ANKRD31: variants seen among roughly 807,000 people sequenced by gnomAD.
The protein encoded by ANKRD31 is ankyrin repeat domain 31.
Under a neutral mutation model 186.0 loss-of-function variants are expected in ANKRD31, and 147 were observed. The observed-to-expected ratio is 0.79, with a 90% confidence interval of 0.69 to 0.91. The LOEUF (loss-of-function observed/expected upper bound fraction) is 0.91. Among genes scored for constraint, ANKRD31 ranks in the 40% least tolerant of loss-of-function variants. The probability of loss-of-function intolerance (pLI) is 0.00; values close to 1 mark genes in which losing one functional copy is unlikely to be tolerated. For missense variants in ANKRD31, 1,986 were observed against 2,148.8 expected (o/e 0.92, Z 1.50); for synonymous variants, 673 against 736.4 (o/e 0.91, Z 1.39).
chr5:75,169,076 G>T lies in ANKRD31; in HGVS notation c.1610C>A (p.Thr537Lys). 5 of 1,536,938 alleles carry T rather than the reference G, an allele frequency of 3.3e-6. No individual in the cohort carries two copies. Among genetic ancestry groups the T allele is most frequent in the African/African-American group, 1.4e-5 (1 of 73,104 alleles). ...TCCACCTTTTAATAGTTCACTTGCT[G>T]TCCGATAAAATCCTCCTACACTAGC... ...HEASVGGFYR[T>K]ASELLKGGAD... The change falls in exon 11 of 26, where the codon ACA becomes AAA. Residue 537 changes from threonine (T) to lysine (K), a missense_variant. Thr to Lys is a moderately conservative substitution (Grantham distance 78). Coordinates refer to ENST00000506364, the MANE Select transcript of ANKRD31 (RefSeq NM_001372053.1).
chr5:75,152,053 C>G (rs1317133281), intron 12 of ANKRD31, among the ~76,000 whole-genome samples: 3 of 151,936 alleles, frequency 2.0e-5, no homozygotes, highest in Admixed American at 2.0e-4. Context: ...TGTTGTTTTG[C>G]CTGCCCAGCA....
chr5:75,153,904 A>G, intron 12 of ANKRD31, among the ~76,000 whole-genome samples: 1 of 152,146 alleles, frequency 6.6e-6, no homozygotes, highest in Non-Finnish European at 1.5e-5. Flanking sequence ...AAAGGGGATC[A>G]TATCATGTTA....
At chr5:75,218,333 C>G (rs886961666) in intron 3 of ANKRD31, among the ~76,000 whole-genome samples, 4 of 152,004 alleles carry the variant, frequency 2.6e-5, no homozygotes, top group African/African-American at 9.7e-5. Context: ...GCACATAAAT[C>G]TAAAATTCCA....
chr5:75,148,287 T>C (rs57923199), intron 13 of ANKRD31, among the ~76,000 whole-genome samples: 7,436 of 151,892 alleles, frequency 0.049, 397 homozygotes, highest in African/African-American at 0.13. Flanking sequence ...CTTTGACTCT[T>C]TCCTGTACTA....
intron 24 of ANKRD31, among the ~76,000 whole-genome samples, chr5:75,081,752 CG>C (rs149283497): frequency 0.026 from 3,903 of 150,000 alleles, 154 homozygotes; most frequent in African/African-American, 0.091. Context: ...GATGGAGCAA[CG>C]GGGGCGGAGA....
intron 10 of ANKRD31, among the ~76,000 whole-genome samples, chr5:75,172,971 T>C (rs1292570875): frequency 6.6e-6 from 1 of 152,076 alleles, no homozygotes; most frequent in Non-Finnish European, 1.5e-5. Context: ...TGATGAACAT[T>C]GATGCAAAAA....
At chr5:75,158,266 C>T (rs1580451517) in intron 11 of ANKRD31, among the ~76,000 whole-genome samples, 1 of 152,236 alleles carries the variant, frequency 6.6e-6, no homozygotes, top group Admixed American at 6.5e-5. Context: ...CAACCTCTAA[C>T]CAATCAGTAA....
At chr5:75,077,857 G>A (rs191606943) in intron 25 of ANKRD31, among the ~76,000 whole-genome samples, 157 of 151,188 alleles carry the variant, frequency 1.0e-3, no homozygotes, top group African/African-American at 3.6e-3. Flanking sequence ...CCCGGGAGGC[G>A]GGAGGCGGAG....
chr5:75,079,794 T>C (rs1432604482), intron 25 of ANKRD31, among the ~76,000 whole-genome samples: 4 of 152,090 alleles, frequency 2.6e-5, no homozygotes, highest in Admixed American at 2.6e-4. Flanking sequence ...CCCTCTTATA[T>C]CCCACAATTA....
At chr5:75,222,459 C>T (rs919139986) in intron 2 of ANKRD31, 101 bp from the exon 3 acceptor site, 1 of 785,706 alleles carries the variant, frequency 1.3e-6, no homozygotes, top group Non-Finnish European at 2.0e-6. Context: ...TATCAAGAAT[C>T]ATCTAGTATA....
intron 25 of ANKRD31, 23 bp downstream of exon 25, chr5:75,080,545 T>C: frequency 6.8e-7 from 1 of 1,464,050 alleles, no homozygotes; most frequent in Non-Finnish European, 9.2e-7. Context: ...TAAATGGAAT[T>C]GAATATTTTC....
At chr5:75,155,394 T>G (rs1481918998) in intron 11 of ANKRD31, among the ~76,000 whole-genome samples, 1 of 152,176 alleles carries the variant, frequency 6.6e-6, no homozygotes, top group Admixed American at 6.5e-5. Flanking sequence ...AACTGTTCCA[T>G]ATCAGTGTAG....
rs541630345 is a variant in ANKRD31, at chr5:75,178,766, C to T, written c.1565-9645G>A. ...AGAGGGAAATTTATAGCACTAAATG[C>T]CCACAAGAGAAAGCAGGAAACATCT... On this transcript the variant is annotated intron_variant, in intron 10 of 25. Transcript: ENST00000506364. 3.2e-3 allele frequency among the ~76,000 whole-genome samples: 494 copies of T among 152,076 alleles called. 1 individual carries two copies. The highest frequency in any genetic ancestry group is 4.9e-3 in the Non-Finnish European group (336 of 67,982).
At position 75,193,372 on chromosome 5, in the gene ANKRD31, A is replaced by C; in HGVS notation, c.1237T>G (p.Leu413Val). The C allele has an allele frequency of 2.0e-6, 3 of 1,536,952 alleles. No individual in the cohort carries two copies. The highest frequency in any genetic ancestry group is 2.6e-6 in the Non-Finnish European group (3 of 1,146,702). The change falls in exon 8 of 26, where the codon TTA (leucine) becomes GTA (valine). Residue 413 changes from leucine to valine, a missense_variant. Coordinates refer to ENST00000506364, the MANE Select transcript of ANKRD31 (RefSeq NM_001372053.1). ...TCCTCACAGCCAAGGATTTTTGGTAAAATCTTTTCTGGCATCTTATACATG... is the reference window on the plus strand; with the variant it reads ...TCCTCACAGCCAAGGATTTTTGGTACAATCTTTTCTGGCATCTTATACATG... ...DHMYKMPEKI[L>V]PKILGCEDLT...
chr5:75,206,706 A>G (rs1413270631), intron 4 of ANKRD31, among the ~76,000 whole-genome samples: 1 of 152,176 alleles, frequency 6.6e-6, no homozygotes, highest in African/African-American at 2.4e-5. Context: ...AAAATAATAA[A>G]TGACCTGAGG....
intron 12 of ANKRD31, among the ~76,000 whole-genome samples, chr5:75,150,851 T>C (rs1326446503): frequency 6.6e-6 from 1 of 152,014 alleles, no homozygotes; most frequent in African/African-American, 2.4e-5. Context: ...TTATTTGCAA[T>C]TTTCCATATA....
chr5:75,079,367 T>G (rs954138671), intron 25 of ANKRD31, among the ~76,000 whole-genome samples: 6 of 152,172 alleles, frequency 3.9e-5, no homozygotes, highest in Admixed American at 3.9e-4. Flanking sequence ...AAATACTGAT[T>G]AACAAATTTA....
At position 75,116,612 on chromosome 5, in the gene ANKRD31, G is replaced by A; in HGVS notation, c.4109C>T (p.Ser1370Leu). 1 of 1,473,982 alleles carries A rather than the reference G, an allele frequency of 6.8e-7. No individual in the cohort carries two copies. Among genetic ancestry groups the A allele is most frequent in the Non-Finnish European group, 9.0e-7 (1 of 1,107,696 alleles). 91.3% of individuals were successfully genotyped at this position (1,473,982 alleles called of 1,614,324 possible). A position where few individuals can be genotyped will look rare whatever the true frequency, so the allele number is the denominator to read the frequency against. ...CFCDDGKTID[S>L]SSLSHQERSR... is the part of the protein sequence containing the mutation. ...TCTTTCTTGGTGTGAAAGGGAAGAT[G>A]AGTCAATAGTTTTGCCATCATCACA... Residue 1370 changes from serine to leucine, a missense_variant, in exon 19 of 26, where the codon TCA becomes TTA. Physicochemically the swap from Ser to Leu is moderately radical, Grantham distance 145 (BLOSUM62 -2). Coordinates refer to ENST00000506364, the MANE Select transcript of ANKRD31 (RefSeq NM_001372053.1).
intron 23 of ANKRD31, among the ~76,000 whole-genome samples, chr5:75,084,594 T>C (rs1238642087): frequency 1.3e-5 from 2 of 152,220 alleles, no homozygotes; most frequent in African/African-American, 4.8e-5. Context: ...CATCTATGGC[T>C]GCTTTCATGC....
Sources: allele counts gnomAD v4.1 joint callset (sites outside exome capture counted in the v4.1 genomes callset), GRCh38; gene constraint gnomAD v4.1.1; transcripts MANE v1.5; gene names NCBI Gene and HGNC (gene_info 2026-07-23, HGNC 2026-07-21).